Variants in ZBTB20 observed in about 807,000 individuals in gnomAD.
ZBTB20 encodes the protein zinc finger and BTB domain-containing protein 20.
In ZBTB20, 9 loss-of-function variants were observed where a neutral mutation model predicts 56.9. The ratio of observed to expected loss-of-function variants is 0.16; its 90% CI spans 0.10 to 0.28. ZBTB20 has a LOEUF of 0.28. ZBTB20 is among the 10% of genes least tolerant of loss of function. The pLI is 1.00. For missense variants in ZBTB20, 655 were observed against 1,003.0 expected, an observed-to-expected ratio of 0.65 and a Z score of 4.69; for synonymous variants, 417 against 420.7, an observed-to-expected ratio of 0.99 and a Z score of 0.11.
chr3:114,429,269 A>G (rs1444798123), intron 7 of ZBTB20, among the ~76,000 whole-genome samples: 1 of 151,068 alleles, frequency 6.6e-6, no homozygotes, highest in East Asian at 1.9e-4. Flanking sequence ...AACCTCTTAA[A>G]TAATCAAGTA....
At chr3:114,375,393 A>T (rs934891296) in intron 10 of ZBTB20, among the ~76,000 whole-genome samples, 4 of 152,250 alleles carry the variant, frequency 2.6e-5, no homozygotes, top group Non-Finnish European at 4.4e-5. Context: ...AAGGAAGAAA[A>T]AAAATTACTC....
chr3:115,028,210 AG>A (rs1277906158), intron 2 of ZBTB20, among the ~76,000 whole-genome samples: 1 of 150,818 alleles, frequency 6.6e-6, no homozygotes, highest in Non-Finnish European at 1.5e-5. Context: ...TAAGTTTTCA[AG>A]GATCAAAATA....
At chr3:115,063,317 C>G (rs760870463) in intron 2 of ZBTB20, among the ~76,000 whole-genome samples, 4 of 152,136 alleles carry the variant, frequency 2.6e-5, no homozygotes, top group Non-Finnish European at 5.9e-5. Flanking sequence ...TCTCACAGTT[C>G]TGAGGGCTGA....
chr3:114,623,855 G>A (rs935991590), intron 6 of ZBTB20, among the ~76,000 whole-genome samples: 10 of 151,578 alleles, frequency 6.6e-5, no homozygotes, highest in African/African-American at 1.2e-4. Flanking sequence ...GCATGTCAAG[G>A]CTGACATCCA....
chr3:114,979,504 T>A (rs1428353737), intron 2 of ZBTB20, among the ~76,000 whole-genome samples: 1 of 152,012 alleles, frequency 6.6e-6, no homozygotes, highest in African/African-American at 2.4e-5. Context: ...TGACTTCTGG[T>A]TAATTGTTTC....
At chr3:115,018,082 G>A (rs1405488971) in intron 2 of ZBTB20, among the ~76,000 whole-genome samples, 1 of 151,124 alleles carries the variant, frequency 6.6e-6, no homozygotes, top group African/African-American at 2.4e-5. Context: ...CTGCTGATTT[G>A]TATGCATGAA....
chr3:114,390,151 A>C (rs551103127), intron 7 of ZBTB20, among the ~76,000 whole-genome samples: 8 of 152,206 alleles, frequency 5.3e-5, no homozygotes, highest in African/African-American at 1.9e-4. Context: ...TTCCCCATAT[A>C]AGTGAGGTCA....
At chr3:114,955,268 C>T (rs2077207471) in intron 3 of ZBTB20, among the ~76,000 whole-genome samples, 1 of 152,296 alleles carries the variant, frequency 6.6e-6, no homozygotes. Flanking sequence ...CTGCTGTATA[C>T]CTGAACACTC....
chr3:114,962,953 G>A (rs2077509611), intron 3 of ZBTB20, among the ~76,000 whole-genome samples: 1 of 152,032 alleles, frequency 6.6e-6, no homozygotes, highest in South Asian at 2.1e-4. Flanking sequence ...CAGAAGGCAA[G>A]GGTACATTTC....
chr3:114,517,963 A>T (rs1047553844), intron 6 of ZBTB20, among the ~76,000 whole-genome samples: 10 of 152,162 alleles, frequency 6.6e-5, no homozygotes, highest in African/African-American at 2.4e-4. Flanking sequence ...TGGTACTATT[A>T]CCCACTGAGC....
Position 114,573,530 on chromosome 3 carries a change from A to C in ZBTB20, c.-294-73139T>G, listed in dbSNP as rs538489558. ...AAAGAAAAGAAAGAAACAGAGAGAG[A>C]GAAAGAGAGAAAGGGAAAAGAAAGA... On this transcript the variant is annotated intron_variant, in intron 6 of 11. Transcript: ENST00000675478. Among the ~76,000 whole-genome samples, 18 of 151,322 alleles carry C rather than the reference A, an allele frequency of 1.2e-4. No homozygotes were observed. In the South Asian group the frequency reaches 3.8e-3, roughly 32 times the overall value.
chr3:114,722,120 G>A (rs988014063), intron 5 of ZBTB20, among the ~76,000 whole-genome samples: 14 of 152,202 alleles, frequency 9.2e-5, no homozygotes, highest in African/African-American at 3.4e-4. Flanking sequence ...TAATAAGTGA[G>A]AATAAGGGAG....
intron 7 of ZBTB20, among the ~76,000 whole-genome samples, chr3:114,455,031 AAGAGAGAGGGGGAAG>A (rs2091918443): frequency 8.4e-6 from 1 of 119,146 alleles, no homozygotes; most frequent in Non-Finnish European, 1.8e-5. Flanking sequence ...GAGAGAGAGG[AAGAGAGAGGGGGAAG>A]AGAGAGAGGG....
chr3:114,528,978 A>G (rs1268276247), intron 6 of ZBTB20: 4 of 151,946 alleles, frequency 2.6e-5, no homozygotes, highest in African/African-American at 9.7e-5. Context: ...CCCTTTCCCT[A>G]TTCTGCACCA....
At position 114,351,069 on chromosome 3, in the gene ZBTB20, A is replaced by AATCGTC. The variant is rs1560114777; in HGVS notation, c.1003_1008dup (p.Asp335_Asp336dup). 6.2e-7 allele frequency: 1 copy of AATCGTC among 1,609,686 alleles called. No homozygotes were observed. Among genetic ancestry groups the AATCGTC allele is most frequent in the Non-Finnish European group, 8.5e-7 (1 of 1,179,684 alleles). ...ACCCTTTGCTGCCCGTAGTAGTCGT[A>AATCGTC]ATCGTCCTCCATCTCCTGCTTGATG... On this transcript the variant is annotated inframe_insertion, in exon 11 of 12. Transcript: ENST00000675478.
At chr3:114,719,195 G>A (rs958326244) in intron 5 of ZBTB20, among the ~76,000 whole-genome samples, 1 of 146,158 alleles carries the variant, frequency 6.8e-6, no homozygotes, top group African/African-American at 2.5e-5. Context: ...TTGTGCAGGG[G>A]GGGGAAATAG....
intron 1 of ZBTB20, among the ~76,000 whole-genome samples, chr3:115,146,242 TTG>T (rs1015503579): frequency 2.6e-5 from 4 of 152,160 alleles, no homozygotes; most frequent in African/African-American, 9.7e-5. Flanking sequence ...GTACGCCATA[TTG>T]TGTTTTTCGC....
At chr3:114,906,318 G>A (rs919943512) in intron 3 of ZBTB20, among the ~76,000 whole-genome samples, 1 of 151,770 alleles carries the variant, frequency 6.6e-6, no homozygotes, top group African/African-American at 2.4e-5. Context: ...CCTTGATGAT[G>A]TAGAAAATCT....
intron 5 of ZBTB20, among the ~76,000 whole-genome samples, chr3:114,720,733 C>T (rs1196107016): frequency 1.3e-5 from 2 of 152,086 alleles, no homozygotes; most frequent in African/African-American, 4.8e-5. Flanking sequence ...TTGGCATATA[C>T]TAATTGTATA....
Sources: allele counts gnomAD v4.1 joint callset (sites outside exome capture counted in the v4.1 genomes callset), GRCh38; gene constraint gnomAD v4.1.1; transcripts MANE v1.5; gene names NCBI Gene and HGNC (gene_info 2026-07-23, HGNC 2026-07-21).